The following SLC6A3 variants were observed in gnomAD, a reference collection of about 807,000 sequenced individuals.
SLC6A3 encodes the protein sodium-dependent dopamine transporter.
A neutral mutation model predicts 70.4 loss-of-function variants in SLC6A3; 19 were observed. The ratio of observed to expected loss-of-function variants is 0.27; its 90% CI spans 0.19 to 0.40. SLC6A3 has a LOEUF of 0.40. Among genes scored for constraint, SLC6A3 ranks in the 10% least tolerant of loss-of-function variants. The probability of loss-of-function intolerance (pLI) is 1.00; values close to 1 mark genes in which losing one functional copy is unlikely to be tolerated. For synonymous variants in SLC6A3, 368 were observed against 356.6 expected (o/e 1.03, Z -0.36); for missense variants, 613 against 838.5 (o/e 0.73, Z 3.32).
chr5:1,431,059 C>T (rs1216539406), intron 4 of SLC6A3, among the ~76,000 whole-genome samples: 6 of 150,704 alleles, frequency 4.0e-5, no homozygotes, highest in Non-Finnish European at 7.4e-5. Flanking sequence ...GGGAGAATCG[C>T]GCAAACGTCC....
chr5:1,410,687 G>A (rs1756095224), intron 9 of SLC6A3, among the ~76,000 whole-genome samples: 1 of 152,162 alleles, frequency 6.6e-6, no homozygotes, highest in Non-Finnish European at 1.5e-5. Flanking sequence ...AGGCTTCCAG[G>A]GAAAGCCACG....
At chr5:1,433,488 C>T (rs114454530) in intron 3 of SLC6A3, among the ~76,000 whole-genome samples, 116 of 152,296 alleles carry the variant, frequency 7.6e-4, no homozygotes, top group African/African-American at 2.6e-3. Context: ...TGGCCATCCA[C>T]AGCCATCTCC....
At position 1,404,778 on chromosome 5, in the gene SLC6A3, A is replaced by G. The variant is rs985318881; in HGVS notation, c.1599+1410T>C. On this transcript the variant is annotated intron_variant, in intron 12 of 14. Transcript: ENST00000270349. This position sits in a 1 kb window ranked among gnomAD's most constrained non-coding sequence, Gnocchi z 5.2. ...GCAATGAAATTGTCATGTTTCTCTC[A>G]ACTTGGCAAAATGAAGTCCTGTTTC... 1.3e-5 allele frequency among the ~76,000 whole-genome samples: 2 copies of G among 152,286 alleles called. No individual in the cohort carries two copies. The highest frequency in any genetic ancestry group is 4.8e-5 in the African/African-American group (2 of 41,480).
intron 6 of SLC6A3, among the ~76,000 whole-genome samples, chr5:1,419,985 C>T (rs901107237): frequency 1.4e-4 from 21 of 152,180 alleles, no homozygotes; most frequent in African/African-American, 4.3e-4. Context: ...CTGGCTCCAC[C>T]GGCCCACCCA....
rs571241751 is a variant in SLC6A3 at position 1,401,958 on chromosome 5, G to A, written c.1767+964C>T. 6.6e-6 allele frequency among the ~76,000 whole-genome samples: 1 copy of A among 152,206 alleles called. No homozygotes were observed. Among genetic ancestry groups the A allele is most frequent in the Non-Finnish European group, 1.5e-5 (1 of 68,030 alleles). On this transcript the variant is annotated intron_variant, in intron 13 of 14. Coordinates refer to ENST00000270349, the MANE Select transcript of SLC6A3 (RefSeq NM_001044.5). This position sits in a 1 kb window ranked among gnomAD's most constrained non-coding sequence, Gnocchi z 6.1. ...CCAGAGCTCCTCCCACTCCACAGAA[G>A]CCCCCAGCCACACACTGTGCTTTGC...
chr5:1,416,981 G>A (rs756643014), intron 6 of SLC6A3, among the ~76,000 whole-genome samples: 13 of 151,804 alleles, frequency 8.6e-5, no homozygotes, highest in Admixed American at 7.2e-4. Context: ...ACATGACCGC[G>A]GCGCCCTGAT....
intron 4 of SLC6A3, among the ~76,000 whole-genome samples, chr5:1,423,138 A>G (rs28656867): frequency 8.5e-3 from 198 of 23,376 alleles, no homozygotes; most frequent in Admixed American, 0.012. Flanking sequence ...CCACGGTGCT[A>G]GGTGCCCACC....
rs1249507556 is a variant in SLC6A3 at position 1,413,435 on chromosome 5, C to T, written c.1156+1256G>A. On this transcript the variant is annotated intron_variant, in intron 8 of 14. Transcript: ENST00000270349. The surrounding 1 kb of genome is among the most constrained non-coding windows in gnomAD (Gnocchi z 7.1). ...GCGGTGCGAGGGTCCTAGTGCCCCACTCTGTGAGACTCAGGTGCGGTCAAG... is the reference window on the plus strand; with the variant it reads ...GCGGTGCGAGGGTCCTAGTGCCCCATTCTGTGAGACTCAGGTGCGGTCAAG... 1.3e-5 allele frequency among the ~76,000 whole-genome samples: 2 copies of T among 152,180 alleles called. No homozygotes were observed. Among genetic ancestry groups the T allele is most frequent in the Non-Finnish European group, 2.9e-5 (2 of 68,040 alleles).
rs759854756 is a variant in SLC6A3 at position 1,409,772 on chromosome 5, C to A, written c.1347G>T (p.Thr449=). 2 of 1,613,388 alleles carry A rather than the reference C, an allele frequency of 1.2e-6. No individual in the cohort carries two copies. Among genetic ancestry groups the A allele is most frequent in the Admixed American group, 3.3e-5 (2 of 60,030 alleles). ...QLLHRHRELF[T]LFIVLATFLL... is the part of the protein sequence containing the mutation. The stretch of plus-strand genomic sequence containing the variant: ...GGAAGGTCGCCAGGACGATGAAGAG[C>A]GTGAAGAGCTCACGGTGTCTGTGCA... Residue 449 remains threonine, a synonymous_variant, in exon 10 of 15, where the codon ACG becomes ACT. Transcript: ENST00000270349.
At chr5:1,423,211 T>TA (rs1756498708) in intron 4 of SLC6A3, among the ~76,000 whole-genome samples, 1 of 103,200 alleles carries the variant, frequency 9.7e-6, no homozygotes, top group African/African-American at 3.8e-5. Flanking sequence ...CCCATGGTGC[T>TA]GGGTACCCAC....
rs1756559090 is a variant in SLC6A3, at chr5:1,425,617, GGACTTGGCAA to G, written c.654-3613_654-3604del. Among the ~76,000 whole-genome samples, 14 of 152,228 alleles carry G rather than the reference GGACTTGGCAA, an allele frequency of 9.2e-5. No homozygotes were observed. In the South Asian group the frequency reaches 2.9e-3, roughly 32 times the overall value. ...ACATAGGGTAAATTTTCACAATCTTGGACTTGGCAATGGTTTCTTAGATATGACACAAAAG... is the reference window on the plus strand; with the variant it reads ...ACATAGGGTAAATTTTCACAATCTTGTGGTTTCTTAGATATGACACAAAAG... On this transcript the variant is annotated intron_variant, in intron 4 of 14. Transcript: ENST00000270349.
chr5:1,443,376 TC>T (rs1733728335), intron 1 of SLC6A3, 134 bp from the exon 2 acceptor site: 1 of 730,780 alleles, frequency 1.4e-6, no homozygotes, highest in Non-Finnish European at 2.4e-6. Context: ...ATGGGTGCGT[TC>T]TCAGCGCCTG....
At chr5:1,431,066 G>A (rs984528456) in intron 4 of SLC6A3, among the ~76,000 whole-genome samples, 40 of 150,080 alleles carry the variant, frequency 2.7e-4, no homozygotes, top group African/African-American at 7.9e-4. Context: ...TCGCGCAAAC[G>A]TCCTCTCCTC....
At position 1,421,340 on chromosome 5, in the gene SLC6A3, G is replaced by C. The variant is rs1171259106; in HGVS notation, c.792+536C>G. On this transcript the variant is annotated intron_variant, in intron 5 of 14. Coordinates refer to ENST00000270349, the MANE Select transcript of SLC6A3 (RefSeq NM_001044.5). This position sits in a 1 kb window ranked among gnomAD's most constrained non-coding sequence, Gnocchi z 7.2. ...TTATAGGCACGTGCCACCGTGCCTG[G>C]CTAATTTCGTATTTTTAGTAGAGAT... Among the ~76,000 whole-genome samples the C allele has an allele frequency of 6.6e-6, 1 of 152,100 alleles. No individual in the cohort carries two copies.
chr5:1,407,890 T>C (rs1158420373), intron 11 of SLC6A3, among the ~76,000 whole-genome samples: 1 of 152,238 alleles, frequency 6.6e-6, no homozygotes, highest in East Asian at 1.9e-4. Flanking sequence ...ATAAATTCCA[T>C]GGCTCTGAGG....
Position 1,437,500 on chromosome 5 carries a change from C to T in SLC6A3, c.418+3859G>A, listed in dbSNP as rs951269343. The stretch of plus-strand genomic sequence containing the variant: ...AAGAGAGCGAGGGGAAGGGAGGAGA[C>T]GGAGAGTTTTAAAGACCCACCTCTC... On this transcript the variant is annotated intron_variant, in intron 3 of 14. Coordinates refer to ENST00000270349, the MANE Select transcript of SLC6A3 (RefSeq NM_001044.5). The surrounding 1 kb of genome is among the most constrained non-coding windows in gnomAD (Gnocchi z 4.8). Among the ~76,000 whole-genome samples the T allele has an allele frequency of 2.1e-4, 32 of 152,026 alleles. No homozygotes were observed. Among genetic ancestry groups the T allele is most frequent in the Admixed American group, 1.0e-3 (16 of 15,276 alleles).
Position 1,414,780 on chromosome 5 carries a change from G to T in SLC6A3, c.1067C>A (p.Thr356Lys). 1 of 1,612,924 alleles carries T rather than the reference G, an allele frequency of 6.2e-7. No homozygotes were observed. The highest frequency in any genetic ancestry group is 8.5e-7 in the Non-Finnish European group (1 of 1,179,878). ...GACGACGAAGCCGGAGGAGAAGCTC[G>T]TCAGGGAGTTGATGGAGGTGGTGAC... Reference protein sequence around the residue: ...AIVTTSINSLTSFSSGFVVFS... With the variant: ...AIVTTSINSLKSFSSGFVVFS... Residue 356 changes from threonine (T) to lysine (K), a missense_variant, in exon 8 of 15, where the codon ACG becomes AAG. Thr to Lys is a moderately conservative substitution (Grantham distance 78, BLOSUM62 -1). Coordinates refer to ENST00000270349, the MANE Select transcript of SLC6A3 (RefSeq NM_001044.5).
intron 4 of SLC6A3, among the ~76,000 whole-genome samples, chr5:1,424,594 C>T (rs1579718234): frequency 6.6e-6 from 1 of 152,194 alleles, no homozygotes; most frequent in East Asian, 1.9e-4. Flanking sequence ...TGCCCAGGTG[C>T]CTGGAGAAAA....
intron 1 of SLC6A3, among the ~76,000 whole-genome samples, chr5:1,443,660 C>T (rs542998767): frequency 6.6e-6 from 1 of 152,186 alleles, no homozygotes; most frequent in South Asian, 2.1e-4. Flanking sequence ...GACTGTTCAT[C>T]TGTATTCTTT....
Sources: allele counts gnomAD v4.1 joint callset (sites outside exome capture counted in the v4.1 genomes callset), GRCh38; gene constraint gnomAD v4.1.1; non-coding constraint Gnocchi (gnomAD v3.1); transcripts MANE v1.5; gene names NCBI Gene and HGNC (gene_info 2026-07-23, HGNC 2026-07-21).